KIAA1549L: variants seen among roughly 807,000 people sequenced by gnomAD.
KIAA1549L encodes KIAA1549 like.
In KIAA1549L, 88 loss-of-function variants were observed where a neutral mutation model predicts 160.7. The ratio of observed to expected loss-of-function variants is 0.55; its 90% confidence interval spans 0.46 to 0.65. KIAA1549L has a LOEUF of 0.65. Among genes scored for constraint, KIAA1549L ranks in the 30% least tolerant of loss-of-function variants. The probability of loss-of-function intolerance (pLI) is 0.00; values close to 1 mark genes in which losing one functional copy is unlikely to be tolerated. For synonymous variants in KIAA1549L, 950 were observed against 976.7 expected, an observed-to-expected ratio of 0.97 and a Z score of 0.51; for missense variants, 2,258 against 2,437.5, an observed-to-expected ratio of 0.93 and a Z score of 1.55.
chr11:33,486,629 A>G (rs1259568989), intron 1 of KIAA1549L, among the ~76,000 whole-genome samples: 1 of 151,712 alleles, frequency 6.6e-6, no homozygotes, highest in African/African-American at 2.4e-5. Flanking sequence ...ATGATTTCTG[A>G]TAGAGACACC....
intron 16 of KIAA1549L, among the ~76,000 whole-genome samples, chr11:33,631,402 C>A (rs1230791744): frequency 6.6e-6 from 1 of 152,230 alleles, no homozygotes; most frequent in Non-Finnish European, 1.5e-5. Context: ...TCCCTTCCCA[C>A]CTGCTTCATC....
intron 1 of KIAA1549L, among the ~76,000 whole-genome samples, chr11:33,432,041 C>T (rs1458537496): frequency 2.0e-5 from 3 of 152,206 alleles, no homozygotes; most frequent in Admixed American, 6.5e-5. Context: ...GCTCCGAGTG[C>T]GGGGCCTGCC....
intron 1 of KIAA1549L, among the ~76,000 whole-genome samples, chr11:33,409,766 CTTT>C (rs34301559): frequency 2.3e-3 from 309 of 132,148 alleles, no homozygotes; most frequent in Middle Eastern, 0.016. Context: ...GTTCTCACCT[CTTT>C]TTTTTTTTTT....
At position 33,540,157 on chromosome 11, in the gene KIAA1549L, G is replaced by T. The variant is rs187234846; in HGVS notation, c.239-1645G>T. Among the ~76,000 whole-genome samples, 582 of 152,092 alleles carry T rather than the reference G, an allele frequency of 3.8e-3. 6 individuals carry two copies. Among genetic ancestry groups the T allele is most frequent in the African/African-American group, 0.012 (506 of 41,462 alleles). On this transcript the variant is annotated intron_variant, in intron 1 of 20. Coordinates refer to ENST00000658780, the MANE Select transcript of KIAA1549L (RefSeq NM_012194.3). ...TCCATCCTGTTTGCAGAATTTTTGT[G>T]TGTGTGTGTGTGAAAGAGTTTGCAA...
chr11:33,436,629 G>T (rs1851386130), intron 1 of KIAA1549L, among the ~76,000 whole-genome samples: 1 of 152,210 alleles, frequency 6.6e-6, no homozygotes, highest in Admixed American at 6.5e-5. Flanking sequence ...TTGCAGGTAG[G>T]TATTGTTTTT....
chr11:33,431,066 C>G (rs1232061200), intron 1 of KIAA1549L, among the ~76,000 whole-genome samples: 2 of 151,672 alleles, frequency 1.3e-5, no homozygotes, highest in African/African-American at 4.8e-5. Flanking sequence ...AAGCTGCAGA[C>G]CTTTGCGGTG....
At chr11:33,656,155 G>T (rs772899193) in intron 18 of KIAA1549L, 46 bp downstream of exon 18, 2 of 1,466,178 alleles carry the variant, frequency 1.4e-6, no homozygotes. Context: ...TTGGAAAAGG[G>T]TCAGTCCTAT....
Position 33,543,239 on chromosome 11 carries a change from G to T in KIAA1549L, c.1676G>T (p.Arg559Leu). 6.2e-7 allele frequency: 1 copy of T among 1,613,986 alleles called. No individual in the cohort carries two copies. The highest frequency in any genetic ancestry group is 1.6e-4 in the Middle Eastern group (1 of 6,062). ...CTTTCCACATCTTGGACATTTCCCC[G>T]GTGGAAAAAGGACAGTGTGACAGCC... ...NLLSTSWTFPRWKKDSVTAIL... is the reference protein window; with the variant it reads ...NLLSTSWTFPLWKKDSVTAIL... The change falls in exon 2 of 21, where the codon CGG (arginine) becomes CTG (leucine). Residue 559 changes from arginine to leucine, a missense_variant. Physicochemically the swap from Arg to Leu is moderately radical, Grantham distance 102 (BLOSUM62 -2). Coordinates refer to ENST00000658780, the MANE Select transcript of KIAA1549L (RefSeq NM_012194.3).
chr11:33,407,965 A>G (rs951262024), intron 1 of KIAA1549L, among the ~76,000 whole-genome samples: 4 of 152,090 alleles, frequency 2.6e-5, no homozygotes, highest in African/African-American at 9.7e-5. Flanking sequence ...CCGTTCCTGC[A>G]GGGTCTCACC....
chr11:33,399,692 G>A (rs1590219368), intron 1 of KIAA1549L, among the ~76,000 whole-genome samples: 2 of 152,332 alleles, frequency 1.3e-5, no homozygotes, highest in African/African-American at 4.8e-5. Flanking sequence ...TTTGCACGCT[G>A]ACTGATGATC....
At chr11:33,553,714 TG>T (rs1227924983) in intron 6 of KIAA1549L, among the ~76,000 whole-genome samples, 1 of 152,240 alleles carries the variant, frequency 6.6e-6, no homozygotes, top group East Asian at 1.9e-4. Context: ...TCCTCACAGG[TG>T]CATGAGCCTA....
intron 16 of KIAA1549L, among the ~76,000 whole-genome samples, chr11:33,625,039 A>G (rs1227272486): frequency 6.6e-6 from 1 of 151,852 alleles, no homozygotes; most frequent in Non-Finnish European, 1.5e-5. Context: ...ATAGTTTACT[A>G]AGAATGATGA....
At position 33,437,906 on chromosome 11, in the gene KIAA1549L, C is replaced by T. The variant is rs561400017; in HGVS notation, c.238+61017C>T. On this transcript the variant is annotated intron_variant, in intron 1 of 20. Coordinates refer to ENST00000658780, the MANE Select transcript of KIAA1549L (RefSeq NM_012194.3). ...AATGGCCCAGACCAGATAAGGGGAC[C>T]GCTTTCCTGGTTCCTGGTTTGCATT... is the stretch of plus-strand genomic sequence containing the variant. Among the ~76,000 whole-genome samples the T allele has an allele frequency of 6.6e-5, 10 of 152,246 alleles. No individual in the cohort carries two copies. In the East Asian group the frequency reaches 7.7e-4, roughly 12 times the overall value.
At chr11:33,427,377 T>A (rs1851139905) in intron 1 of KIAA1549L, among the ~76,000 whole-genome samples, 2 of 152,142 alleles carry the variant, frequency 1.3e-5, no homozygotes, top group South Asian at 4.1e-4. Flanking sequence ...TCTCAGGCTG[T>A]CGGGGTCCTC....
rs1484024278 is a variant in KIAA1549L at position 33,502,505 on chromosome 11, A to G, written c.239-39297A>G. 2.0e-5 allele frequency among the ~76,000 whole-genome samples: 3 copies of G among 152,316 alleles called. No individual in the cohort carries two copies. In the East Asian group the frequency reaches 5.8e-4, roughly 29 times the overall value. ...TTCAGTTTCTCAAGTTGAGTTGACC[A>G]TGGAGCTTATTTCATTGGGTGCCAT... On this transcript the variant is annotated intron_variant, in intron 1 of 20. Coordinates refer to ENST00000658780, the MANE Select transcript of KIAA1549L (RefSeq NM_012194.3).
rs1307515979 is a variant in KIAA1549L, at chr11:33,542,456, T to G, written c.893T>G (p.Met298Arg). ...ANPLIPFSDEMDHTASQNAQD... is the reference protein window; with the variant it reads ...ANPLIPFSDERDHTASQNAQD... ...CCCTTAATCCCATTTTCTGATGAAA[T>G]GGACCACACTGCATCCCAAAATGCC... Residue 298 changes from methionine (M) to arginine (R), a missense_variant, in exon 2 of 21, where the codon ATG becomes AGG. Coordinates refer to ENST00000658780, the MANE Select transcript of KIAA1549L (RefSeq NM_012194.3). 1 of 1,609,118 alleles carries G rather than the reference T, an allele frequency of 6.2e-7. No individual in the cohort carries two copies. Among genetic ancestry groups the G allele is most frequent in the Non-Finnish European group, 8.5e-7 (1 of 1,177,616 alleles).
At chr11:33,596,614 C>A (rs1242787411) in intron 12 of KIAA1549L, among the ~76,000 whole-genome samples, 1 of 152,168 alleles carries the variant, frequency 6.6e-6, no homozygotes, top group East Asian at 1.9e-4. Flanking sequence ...CGGCGGGCGC[C>A]TGTAATCCCA....
At chr11:33,462,668 T>G (rs1205363602) in intron 1 of KIAA1549L, among the ~76,000 whole-genome samples, 1 of 152,206 alleles carries the variant, frequency 6.6e-6, no homozygotes, top group African/African-American at 2.4e-5. Flanking sequence ...GTTCCACTCA[T>G]GGACCAGTGA....
At position 33,606,760 on chromosome 11, in the gene KIAA1549L, C is replaced by T. The variant is rs199851808; in HGVS notation, c.4999C>T (p.Leu1667Phe). 7.7e-5 allele frequency: 125 copies of T among 1,613,608 alleles called. No homozygotes were observed. The highest frequency in any genetic ancestry group is 1.0e-4 in the Non-Finnish European group (122 of 1,179,808). ...VQLIAIKPTA[L>F]PMVPPTSDRS... ...GCTCATTGCCATAAAACCCACAGCC[C>T]TCCCCATGGTGCCCCCCACCTCGGA... is the stretch of plus-strand genomic sequence containing the variant. Residue 1667 changes from leucine to phenylalanine, a missense_variant, in exon 14 of 21, where the codon CTC (leucine) becomes TTC (phenylalanine). This residue lies in a region of KIAA1549L where 1,359 missense variants were observed against 1,546.6 expected (regional missense o/e 0.88). Transcript: ENST00000658780.
Sources: allele counts gnomAD v4.1 joint callset (sites outside exome capture counted in the v4.1 genomes callset), GRCh38; gene constraint gnomAD v4.1.1; regional missense constraint gnomAD v4.1.1; transcripts MANE v1.5; gene names NCBI Gene and HGNC (gene_info 2026-07-23, HGNC 2026-07-21).